VWDE: variants seen among roughly 807,000 people sequenced by gnomAD.
The protein encoded by VWDE is von Willebrand factor D and EGF domain-containing protein.
A neutral mutation model predicts 178.4 loss-of-function variants in VWDE; 207 were observed. That is an observed-to-expected ratio of 1.16 (90% CI 1.04 to 1.30). The LOEUF is 1.30. Among genes scored for constraint, VWDE ranks in the 50% most tolerant of loss-of-function variants. The pLI is 0.00. For synonymous variants in VWDE, 738 were observed against 651.4 expected, an observed-to-expected ratio of 1.13 and a Z score of -2.02; for missense variants, 2,287 against 1,901.3, an observed-to-expected ratio of 1.20 and a Z score of -3.77.
At chr7:12,371,920 C>A (rs1783226363) in intron 10 of VWDE, among the ~76,000 whole-genome samples, 1 of 151,994 alleles carries the variant, frequency 6.6e-6, no homozygotes, top group African/African-American at 2.4e-5. Flanking sequence ...GTATGCACAT[C>A]CTTAACTATT....
chr7:12,397,459 T>C (rs998477579), intron 1 of VWDE, among the ~76,000 whole-genome samples: 1 of 152,106 alleles, frequency 6.6e-6, no homozygotes, highest in Non-Finnish European at 1.5e-5. Flanking sequence ...CCTCAAACTT[T>C]AAAAATCCTA....
chr7:12,342,358 A>T (rs1781379530), intron 22 of VWDE, among the ~76,000 whole-genome samples: 1 of 152,124 alleles, frequency 6.6e-6, no homozygotes, highest in Non-Finnish European at 1.5e-5. Context: ...GTTAATAGAG[A>T]GGGAAAAAAT....
intron 7 of VWDE, among the ~76,000 whole-genome samples, chr7:12,375,547 C>A (rs1410862855): frequency 1.3e-5 from 2 of 151,718 alleles, no homozygotes; most frequent in East Asian, 3.9e-4. Context: ...TTACATATTA[C>A]ATATATTATA....
At chr7:12,333,694 A>C (rs1256493387) in intron 27 of VWDE, 126 bp from the exon 28 acceptor site, 9 of 644,858 alleles carry the variant, frequency 1.4e-5, no homozygotes, top group Admixed American at 2.6e-5. Flanking sequence ...CTATTAATGA[A>C]CCATCAATGA....
intron 18 of VWDE, 149 bp downstream of exon 18, chr7:12,355,962 T>C: frequency 1.4e-6 from 1 of 728,686 alleles, no homozygotes. Context: ...ACAAGGGATA[T>C]GGATAGTAAT....
intron 27 of VWDE, 137 bp downstream of exon 27, chr7:12,336,004 T>G: frequency 2.8e-6 from 2 of 709,286 alleles, no homozygotes; most frequent in Non-Finnish European, 2.3e-6. Flanking sequence ...TTGTTTTATA[T>G]CTAAAATCAT....
chr7:12,397,057 A>G (rs116110702), intron 1 of VWDE, among the ~76,000 whole-genome samples: 5,137 of 148,178 alleles, frequency 0.035, 304 homozygotes, highest in African/African-American at 0.13. Context: ...ACAAAATTAG[A>G]AAAAAAAAAC....
intron 13 of VWDE, among the ~76,000 whole-genome samples, chr7:12,367,073 C>T (rs1186490911): frequency 6.6e-6 from 1 of 151,886 alleles, no homozygotes; most frequent in Admixed American, 6.6e-5. Flanking sequence ...TTTTACATTT[C>T]AAGAAATACA....
intron 26 of VWDE, 115 bp downstream of exon 26, chr7:12,336,873 C>A: frequency 9.9e-7 from 1 of 1,005,450 alleles, no homozygotes; most frequent in Non-Finnish European, 1.4e-6. Flanking sequence ...AATAAATATG[C>A]AAAAATTTTA....
intron 18 of VWDE, chr7:12,354,278 C>A (rs926721223): frequency 1.1e-5 from 4 of 357,596 alleles, no homozygotes; most frequent in Middle Eastern, 7.7e-4. Flanking sequence ...GAGTCAAAAA[C>A]AGAAACTATG....
At chr7:12,343,003 T>C in intron 22 of VWDE, 80 bp downstream of exon 22, 1 of 1,054,040 alleles carries the variant, frequency 9.5e-7, no homozygotes, top group Non-Finnish European at 1.4e-6. Context: ...GAGTTTGGGT[T>C]CATTTCACGT....
At chr7:12,346,242 C>T (rs1034430862) in intron 19 of VWDE, among the ~76,000 whole-genome samples, 2 of 152,054 alleles carry the variant, frequency 1.3e-5, no homozygotes, top group Non-Finnish European at 2.9e-5. Context: ...TAACAAACAC[C>T]TGTTGATCAC....
intron 1 of VWDE, among the ~76,000 whole-genome samples, chr7:12,400,346 A>G (rs1345114462): frequency 6.6e-6 from 1 of 152,122 alleles, no homozygotes; most frequent in Non-Finnish European, 1.5e-5. Flanking sequence ...AGAAAAGAAG[A>G]GAGAAGATTC....
At chr7:12,347,678 C>T (rs141044198) in intron 19 of VWDE, among the ~76,000 whole-genome samples, 2,460 of 152,128 alleles carry the variant, frequency 0.016, 60 homozygotes, top group African/African-American at 0.057. Flanking sequence ...AATGCCATCC[C>T]CATCAAGCTA....
intron 19 of VWDE, among the ~76,000 whole-genome samples, chr7:12,350,168 CAT>C (rs138528800): frequency 0.028 from 4,292 of 151,698 alleles, 210 homozygotes; most frequent in African/African-American, 0.099. Flanking sequence ...ATATTTGTGA[CAT>C]ATAAAAATTT....
At chr7:12,350,837 C>T (rs541191701) in intron 19 of VWDE, among the ~76,000 whole-genome samples, 6 of 151,880 alleles carry the variant, frequency 4.0e-5, no homozygotes, top group Non-Finnish European at 7.4e-5. Context: ...TGCCTAGTGC[C>T]GGCACATTAT....
chr7:12,357,733 A>C (rs1782339055), intron 16 of VWDE, among the ~76,000 whole-genome samples: 1 of 152,016 alleles, frequency 6.6e-6, no homozygotes, highest in African/African-American at 2.4e-5. Context: ...AGGCATTATT[A>C]TGAAAGTATG....
chr7:12,370,805 T>C lies in VWDE; in HGVS notation c.1647A>G (p.Leu549=). ...RADLGEWGMS[L]TIRAPSVDYR... ...AATCTACACTAGGGGCTCTGATCGTTAGACTCATGCCCCATTCACCAAGAT... is the reference window on the plus strand; with the variant it reads ...AATCTACACTAGGGGCTCTGATCGTCAGACTCATGCCCCATTCACCAAGAT... Residue 549 remains leucine (L), a synonymous_variant, in exon 11 of 29, where the codon CTA becomes CTG. Coordinates refer to ENST00000275358, the MANE Select transcript of VWDE (RefSeq NM_001135924.3). 6.4e-7 allele frequency: 1 copy of C among 1,551,204 alleles called. No individual in the cohort carries two copies. Among genetic ancestry groups the C allele is most frequent in the Non-Finnish European group, 8.7e-7 (1 of 1,146,686 alleles).
At chr7:12,354,485 TG>T (rs1228130619) in intron 18 of VWDE, 1 of 385,556 alleles carries the variant, frequency 2.6e-6, no homozygotes, top group East Asian at 8.0e-5. Context: ...TGGCAATTTT[TG>T]CCTGTATAAA....
Sources: allele counts gnomAD v4.1 joint callset (sites outside exome capture counted in the v4.1 genomes callset), GRCh38; gene constraint gnomAD v4.1.1; transcripts MANE v1.5; gene names NCBI Gene and HGNC (gene_info 2026-07-23, HGNC 2026-07-21).